Variants in SCEL observed in about 807,000 individuals in gnomAD.
SCEL encodes sciellin.
Under a neutral mutation model 117.6 loss-of-function variants are expected in SCEL, and 113 were observed. The ratio of observed to expected loss-of-function variants is 0.96; its 90% confidence interval spans 0.83 to 1.12. The LOEUF (loss-of-function observed/expected upper bound fraction) is 1.12, where lower values mean the gene tolerates loss of function less well. SCEL is among the 50% of genes most tolerant of loss of function. SCEL has a pLI of 0.00. For synonymous variants in SCEL, 270 were observed against 256.2 expected (o/e 1.05, Z -0.51); for missense variants, 785 against 810.8 (o/e 0.97, Z 0.39).
At chr13:77,620,402 C>T (rs899791452) in intron 27 of SCEL, among the ~76,000 whole-genome samples, 1 of 152,102 alleles carries the variant, frequency 6.6e-6, no homozygotes, top group African/African-American at 2.4e-5. Flanking sequence ...GTGACACAAG[C>T]CCTGATTATT....
intron 8 of SCEL, among the ~76,000 whole-genome samples, chr13:77,571,354 C>T (rs2085606361): frequency 1.4e-5 from 2 of 142,908 alleles, no homozygotes; most frequent in Admixed American, 7.1e-5. Flanking sequence ...GCACTCCAGC[C>T]TGGGAGACAG....
At chr13:77,602,003 T>C (rs901059780) in intron 15 of SCEL, 62 bp from the exon 16 acceptor site, 94 of 1,326,034 alleles carry the variant, frequency 7.1e-5, no homozygotes, top group Non-Finnish European at 9.7e-5. Context: ...AGTCTGAATA[T>C]ATCACTGAGT....
intron 1 of SCEL, among the ~76,000 whole-genome samples, chr13:77,544,841 A>G (rs2083907181): frequency 6.6e-6 from 1 of 152,240 alleles, no homozygotes; most frequent in Non-Finnish European, 1.5e-5. Flanking sequence ...CATGATTCAG[A>G]ACTTTAGCAG....
chr13:77,582,021 A>G (rs935001879), intron 9 of SCEL, among the ~76,000 whole-genome samples: 3 of 152,146 alleles, frequency 2.0e-5, no homozygotes, highest in Non-Finnish European at 4.4e-5. Context: ...GGAGAGGACA[A>G]TGGGAGTGGG....
chr13:77,609,012 T>G, intron 20 of SCEL, 46 bp from the exon 21 acceptor site: 1 of 1,432,822 alleles, frequency 7.0e-7, no homozygotes, highest in Non-Finnish European at 9.6e-7. Flanking sequence ...GTCAATTGAT[T>G]TAATTCCATT....
At chr13:77,593,689 A>G (rs2087052856) in intron 12 of SCEL, 116 bp downstream of exon 12, 2 of 641,812 alleles carry the variant, frequency 3.1e-6, no homozygotes, top group Admixed American at 3.1e-5. Context: ...TATATCGTAT[A>G]TAATTTAAAA....
At chr13:77,584,109 A>G (rs2086421087) in intron 9 of SCEL, among the ~76,000 whole-genome samples, 1 of 152,214 alleles carries the variant, frequency 6.6e-6, no homozygotes, top group Non-Finnish European at 1.5e-5. Context: ...ACCCAAGCTT[A>G]AACATCGCAT....
At chr13:77,634,483 A>G in intron 29 of SCEL, 33 bp downstream of exon 29, 1 of 1,466,382 alleles carries the variant, frequency 6.8e-7, no homozygotes, top group Non-Finnish European at 9.5e-7. Context: ...ATATTGCTTC[A>G]TTTTATAATT....
intron 1 of SCEL, among the ~76,000 whole-genome samples, chr13:77,544,853 G>A (rs2083907494): frequency 6.6e-6 from 1 of 152,186 alleles, no homozygotes; most frequent in African/African-American, 2.4e-5. Context: ...CTTTAGCAGA[G>A]TGATTTCATG....
chr13:77,622,795 G>A (rs917732820), intron 27 of SCEL, among the ~76,000 whole-genome samples: 3 of 152,150 alleles, frequency 2.0e-5, no homozygotes, highest in Non-Finnish European at 2.9e-5. Context: ...CCAGGAGTTC[G>A]AGACTGCAGT....
At chr13:77,613,058 A>G in intron 23 of SCEL, 117 bp downstream of exon 23, 1 of 627,704 alleles carries the variant, frequency 1.6e-6, no homozygotes, top group East Asian at 3.2e-5. Context: ...AAATGAGAAC[A>G]AGTTGATGTG....
rs749131306 is a variant in SCEL, at chr13:77,556,623, C to G, written c.71C>G (p.Thr24Arg). 1.7e-5 allele frequency: 27 copies of G among 1,613,866 alleles called. No individual in the cohort carries two copies. In the Admixed American group the frequency reaches 4.2e-4, roughly 25 times the overall value. ...ATGAAGAGCACCACTCAGGGAACCA[C>G]ACGGAAGCAGCAGGATTTTCACGAG... ...NEMKSTTQGT[T>R]RKQQDFHEVN... is the part of the protein sequence containing the mutation. The change falls in exon 3 of 33, where the codon ACA becomes AGA. Residue 24 changes from threonine (T) to arginine (R), a missense_variant. Transcript: ENST00000349847.
chr13:77,618,808 T>G (rs2089246391), intron 27 of SCEL, among the ~76,000 whole-genome samples: 1 of 152,136 alleles, frequency 6.6e-6, no homozygotes, highest in Non-Finnish European at 1.5e-5. Context: ...ATGGTTTATG[T>G]GGATGTCTGT....
At chr13:77,582,859 A>G (rs1019990484) in intron 9 of SCEL, among the ~76,000 whole-genome samples, 2 of 149,688 alleles carry the variant, frequency 1.3e-5, no homozygotes, top group Admixed American at 1.3e-4. Context: ...TATGTTTGAC[A>G]TATAGATGTG....
intron 5 of SCEL, among the ~76,000 whole-genome samples, chr13:77,567,012 T>TA (rs34523011): frequency 6.0e-5 from 9 of 150,906 alleles, no homozygotes; most frequent in East Asian, 3.9e-4. Context: ...CCACAAACCT[T>TA]AAAAAAAAAG....
intron 4 of SCEL, among the ~76,000 whole-genome samples, chr13:77,562,519 C>A (rs2085042751): frequency 6.6e-6 from 1 of 152,182 alleles, no homozygotes; most frequent in Non-Finnish European, 1.5e-5. Context: ...AACTGCACTT[C>A]ATTCCATAAA....
At chr13:77,580,401 G>A (rs974931471) in intron 9 of SCEL, among the ~76,000 whole-genome samples, 1 of 152,184 alleles carries the variant, frequency 6.6e-6, no homozygotes, top group Non-Finnish European at 1.5e-5. Context: ...TTTGCCGGAC[G>A]TGAGCCAATG....
intron 1 of SCEL, among the ~76,000 whole-genome samples, chr13:77,542,590 A>C (rs2154393973): frequency 6.6e-6 from 1 of 152,244 alleles, no homozygotes; most frequent in African/African-American, 2.4e-5. Context: ...GGCTAAATGA[A>C]TCTTTCCCAG....
intron 9 of SCEL, among the ~76,000 whole-genome samples, chr13:77,575,903 A>T (rs1004302513): frequency 1.3e-5 from 2 of 152,222 alleles, no homozygotes; most frequent in African/African-American, 4.8e-5. Context: ...ATTTTAATCA[A>T]GACTGAATCA....
Sources: allele counts gnomAD v4.1 joint callset (sites outside exome capture counted in the v4.1 genomes callset), GRCh38; gene constraint gnomAD v4.1.1; transcripts MANE v1.5; gene names NCBI Gene and HGNC (gene_info 2026-07-23, HGNC 2026-07-21).